KIF7: variants seen among roughly 807,000 people sequenced by gnomAD.
KIF7 encodes kinesin family member 7, also known as kinesin-like protein KIF7.
A neutral mutation model predicts 135.7 loss-of-function variants in KIF7; 104 were observed. The observed-to-expected ratio is 0.77, with a 90% CI of 0.65 to 0.90. The LOEUF (loss-of-function observed/expected upper bound fraction) is 0.90, where lower values mean the gene tolerates loss of function less well. Among genes scored for constraint, KIF7 ranks in the 40% least tolerant of loss-of-function variants. The probability of loss-of-function intolerance (pLI) is 0.00; values close to 1 mark genes in which losing one functional copy is unlikely to be tolerated. For synonymous variants in KIF7, 883 were observed against 809.4 expected (o/e 1.09, Z -1.54); for missense variants, 2,005 against 1,839.1 (o/e 1.09, Z -1.65).
chr15:89,624,788 C>G, downstream of KIF7: 2 of 1,614,202 alleles, frequency 1.2e-6, no homozygotes, highest in Non-Finnish European at 1.7e-6. Context: ...GGGCTAAGGA[C>G]AGCAGATGCT....
chr15:89,625,018 C>T (rs1303136800), downstream of KIF7: 2 of 1,614,066 alleles, frequency 1.2e-6, no homozygotes, highest in Non-Finnish European at 1.7e-6. Context: ...AGCTTCTGGC[C>T]TTCCCAAACT....
At position 89,649,944 on chromosome 15, in the gene KIF7, G is replaced by A; in HGVS notation, c.329-3C>T. The stretch of plus-strand genomic sequence containing the variant: ...CTGCTCATCCTCAAGGAGGGAGGCT[G>A]GGGAGACACCGCAGGGCCTCCTGCC... On this transcript the variant is annotated splice_polypyrimidine_tract_variant and splice_region_variant and intron_variant, in intron 2 of 18. Coordinates refer to ENST00000394412, the MANE Select transcript of KIF7 (RefSeq NM_198525.3). The A allele has an allele frequency of 6.4e-7, 1 of 1,550,466 alleles. No individual in the cohort carries two copies. The highest frequency in any genetic ancestry group is 8.7e-7 in the Non-Finnish European group (1 of 1,146,934).
At chr15:89,620,714 TTTTGTTTG>T (rs557806413) in intron 1 of KIF7, among the ~76,000 whole-genome samples, 7 of 151,822 alleles carry the variant, frequency 4.6e-5, no homozygotes, top group Admixed American at 1.3e-4. Flanking sequence ...TTTTCTTATG[TTTTGTTTG>T]TTTGTTTGTT....
chr15:89,628,318 A>T lies in KIF7; in HGVS notation c.*101T>A, dbSNP rs1963577455. On this transcript the variant is annotated 3_prime_UTR_variant, in exon 19 of 19. Coordinates refer to ENST00000394412, the MANE Select transcript of KIF7 (RefSeq NM_198525.3). ...AGGGTACAGATGAGGGCCTGGATTT[A>T]GGGTGTGCGGTAAGGACTGCCCTTC... 1.4e-6 allele frequency: 2 copies of T among 1,451,300 alleles called. No individual in the cohort carries two copies. Among genetic ancestry groups the T allele is most frequent in the Admixed American group, 2.3e-5 (1 of 44,268 alleles). 89.9% of individuals were successfully genotyped at this position (1,451,300 alleles called of 1,614,324 possible).
the KIF7 span, among the ~76,000 whole-genome samples, chr15:89,661,697 G>T: frequency 6.6e-6 from 1 of 151,988 alleles, no homozygotes. Context: ...AAGCTTAGAA[G>T]AATTTGACTT....
intron 10 of KIF7, among the ~76,000 whole-genome samples, chr15:89,644,727 C>G (rs1019682597): frequency 2.0e-5 from 3 of 152,110 alleles, no homozygotes; most frequent in African/African-American, 7.2e-5. Context: ...TTACTAAGAG[C>G]TATTCTAAGC....
At chr15:89,634,318 C>T (rs916703476) in intron 11 of KIF7, among the ~76,000 whole-genome samples, 1 of 152,098 alleles carries the variant, frequency 6.6e-6, no homozygotes, top group Admixed American at 6.6e-5. Context: ...TAACAGGACA[C>T]AGGAGCCAAG....
chr15:89,659,467 AAAG>A (rs772954843), upstream of KIF7, among the ~76,000 whole-genome samples: 43 of 148,888 alleles, frequency 2.9e-4, no homozygotes, highest in Non-Finnish European at 4.9e-4. Context: ...AAGAAAGAAA[AAAG>A]AAAGAAAGAA....
At chr15:89,644,666 C>A (rs571309514) in intron 10 of KIF7, among the ~76,000 whole-genome samples, 1 of 151,986 alleles carries the variant, frequency 6.6e-6, no homozygotes, top group Non-Finnish European at 1.5e-5. Context: ...GCCTGGGTGA[C>A]GAGTGAAACT....
intron 2 of KIF7, among the ~76,000 whole-genome samples, chr15:89,651,943 C>A (rs1262319210): frequency 6.6e-6 from 1 of 152,164 alleles, no homozygotes; most frequent in African/African-American, 2.4e-5. Flanking sequence ...CAGCGACTGT[C>A]TGTAAGGAAG....
Position 89,630,437 on chromosome 15 carries a change from A to C in KIF7, c.3168T>G (p.Ile1056Met). Residue 1056 changes from isoleucine (I) to methionine (M), a missense_variant, in exon 16 of 19, where the codon ATT (isoleucine) becomes ATG (methionine). Coordinates refer to ENST00000394412, the MANE Select transcript of KIF7 (RefSeq NM_198525.3). ...DEAIEALDAA[I>M]EYKNEAITCR... ...ATGTGATGGCCTCATTCTTATACTCAATGGCAGCATCCAGGGCCTCGATGG... is the reference window on the plus strand; with the variant it reads ...ATGTGATGGCCTCATTCTTATACTCCATGGCAGCATCCAGGGCCTCGATGG... 9 of 1,593,946 alleles carry C rather than the reference A, an allele frequency of 5.6e-6. No individual in the cohort carries two copies. The highest frequency in any genetic ancestry group is 7.7e-6 in the Non-Finnish European group (9 of 1,169,996).
rs975756878 is a variant in KIF7 at position 89,648,534 on chromosome 15, G to A, written c.1164C>T (p.Gly388=). The A allele has an allele frequency of 9.1e-6, 11 of 1,214,262 alleles. No homozygotes were observed. In the Admixed American group the frequency reaches 3.6e-4, roughly 40 times the overall value. The allele number at this position is 1,214,262 out of a possible 1,614,324, so 75.2% of individuals were successfully genotyped here. A position where few individuals can be genotyped will look rare whatever the true frequency, so the allele number is the denominator to read the frequency against. ...CGGTGGCTGGGCCTGGGGCGCGCCG[G>A]CCGCGGTGGATGATGCGGGTCTCGG... ...HRSETRIIHR[G]RRAPGPATAS... Residue 388 remains glycine, a synonymous_variant, in exon 5 of 19, where the codon GGC becomes GGT. Coordinates refer to ENST00000394412, the MANE Select transcript of KIF7 (RefSeq NM_198525.3).
chr15:89,647,781 T>C, intron 5 of KIF7, 69 bp from the exon 6 acceptor site: 1 of 1,157,950 alleles, frequency 8.6e-7, no homozygotes, highest in Non-Finnish European at 1.2e-6. Context: ...GGCCTCTTCT[T>C]GTTTAGCCCT....
Position 89,631,577 on chromosome 15 carries a change from A to T in KIF7, c.3029T>A (p.Leu1010Gln), listed in dbSNP as rs1490408814. The T allele has an allele frequency of 6.4e-7, 1 of 1,568,218 alleles. No homozygotes were observed. The change falls in exon 15 of 19, where the codon CTG becomes CAG. Residue 1010 changes from leucine (L) to glutamine (Q), a missense_variant. Transcript: ENST00000394412. Reference sequence around the variant, plus strand: ...GAGCAGCGAGTCCTTCTCCTGGCGCAGGCTGTCGATCTCCCCGCGGATCTG... The same window carrying T: ...GAGCAGCGAGTCCTTCTCCTGGCGCTGGCTGTCGATCTCCCCGCGGATCTG... ...QQQIRGEIDS[L>Q]RQEKDSLLKQ... is the part of the protein sequence containing the mutation.
intron 11 of KIF7, 62 bp downstream of exon 11, chr15:89,642,141 A>G: frequency 2.6e-6 from 4 of 1,550,926 alleles, no homozygotes; most frequent in Non-Finnish European, 3.5e-6. Context: ...CCTGGTCCCA[A>G]GGATGGCAGC....
rs1363096435 is a variant in KIF7 at position 89,642,332 on chromosome 15, C to T, written c.2265G>A (p.Val755=). 3 of 1,610,700 alleles carry T rather than the reference C, an allele frequency of 1.9e-6. No individual in the cohort carries two copies. Among genetic ancestry groups the T allele is most frequent in the Admixed American group, 3.3e-5 (2 of 59,816 alleles). Residue 755 remains valine, a synonymous_variant, in exon 11 of 19, where the codon GTG becomes GTA. Coordinates refer to ENST00000394412, the MANE Select transcript of KIF7 (RefSeq NM_198525.3). The part of the protein sequence containing the change: ...IRELEQEAEQ[V]RAELSEGQRQ... ...TCTGGCCTTCACTCAGCTCGGCCCG[C>T]ACCTGCTCTGCCTCCTGCTCCAGCT... is the stretch of plus-strand genomic sequence containing the variant.
chr15:89,648,929 G>T (rs1362559230), intron 4 of KIF7, 45 bp downstream of exon 4: 97 of 1,489,988 alleles, frequency 6.5e-5, no homozygotes, highest in Non-Finnish European at 7.7e-5. Context: ...GACACTCCCC[G>T]CCTCCCCGGC....
chr15:89,619,660 C>G, intron 1 of KIF7: 6 of 1,559,640 alleles, frequency 3.8e-6, no homozygotes, highest in Non-Finnish European at 5.2e-6. Flanking sequence ...GAGAAAATGT[C>G]AAGCTTGTAG....
intron 1 of KIF7, chr15:89,621,308 A>C (rs1366302347): frequency 2.8e-6 from 4 of 1,410,260 alleles, no homozygotes; most frequent in Non-Finnish European, 3.8e-6. Context: ...GGCGTGAGCC[A>C]CCATGCGTGG....
Sources: gnomAD v4.1 joint callset for allele counts (sites outside exome capture counted in the v4.1 genomes callset) on GRCh38, gnomAD v4.1.1 for gene constraint, MANE v1.5 for transcripts, NCBI Gene and HGNC (gene_info 2026-07-23, HGNC 2026-07-21) for gene names.